Variants in RSPH3 observed in about 807,000 individuals in gnomAD.
The protein encoded by RSPH3 is radial spoke head protein 3 homolog.
Under a neutral mutation model 43.8 loss-of-function variants are expected in RSPH3, and 21 were observed. The ratio of observed to expected loss-of-function variants is 0.48; its 90% CI spans 0.34 to 0.69. RSPH3 has a LOEUF of 0.69. Ranked by LOEUF, RSPH3 falls within the 30% of genes least tolerant of loss-of-function variation. The pLI, the probability that RSPH3 is intolerant of heterozygous loss-of-function variation, is 0.01. For missense variants in RSPH3, 487 were observed against 516.0 expected (o/e 0.94, Z 0.54); for synonymous variants, 173 against 179.8 (o/e 0.96, Z 0.30).
intron 3 of RSPH3, among the ~76,000 whole-genome samples, chr6:158,985,200 C>T (rs1205037913): frequency 6.6e-6 from 1 of 152,166 alleles, no homozygotes; most frequent in Non-Finnish European, 1.5e-5. Context: ...TCAGGGGTGC[C>T]TGTGTGGCCC....
rs1472618714 is a variant in RSPH3 at position 158,972,999 on chromosome 6, C to T, written c.*4539G>A. The T allele has an allele frequency of 3.3e-5, 5 of 152,188 alleles. No individual in the cohort carries two copies. Among genetic ancestry groups the T allele is most frequent in the African/African-American group, 1.2e-4 (5 of 41,446 alleles). The allele number at this position is 152,188 out of a possible 1,614,324, so 9.4% of individuals were successfully genotyped here. A position where few individuals can be genotyped will look rare whatever the true frequency, so the allele number is the denominator to read the frequency against. ...TAGCACTACTTTCACAATAGTGACA[C>T]CCCACTTATAACACTCTTTTTTGGG... On this transcript the variant is annotated 3_prime_UTR_variant, in exon 8 of 8. Transcript: ENST00000367069.
rs1777809303 is a variant in RSPH3, at chr6:158,975,510, T to C, written c.*2028A>G. The C allele has an allele frequency of 6.6e-6, 1 of 152,232 alleles. No individual in the cohort carries two copies. Among genetic ancestry groups the C allele is most frequent in the Admixed American group, 6.5e-5 (1 of 15,278 alleles). The allele number at this position is 152,232 out of a possible 1,614,324, so 9.4% of individuals were successfully genotyped here. The stretch of plus-strand genomic sequence containing the variant: ...CAAATCACTTTAAATTCCTGAGCTT[T>C]GGTTTCTTTATTTACATCATTTACT... On this transcript the variant is annotated 3_prime_UTR_variant, in exon 8 of 8. Transcript: ENST00000367069.
intron 2 of RSPH3, among the ~76,000 whole-genome samples, chr6:158,988,661 TTC>T (rs1372360000): frequency 6.6e-6 from 1 of 152,188 alleles, no homozygotes; most frequent in Non-Finnish European, 1.5e-5. Flanking sequence ...GCTTGATTCA[TTC>T]TGTTGTTGAA....
downstream of RSPH3, among the ~76,000 whole-genome samples, chr6:158,971,322 G>A (rs923646649): frequency 7.9e-5 from 12 of 152,282 alleles, no homozygotes; most frequent in South Asian, 2.1e-4. Context: ...GTTGCAAGCC[G>A]TTGGTTAATT....
chr6:158,993,428 CTTT>C (rs369613942), intron 2 of RSPH3, among the ~76,000 whole-genome samples: 11 of 117,922 alleles, frequency 9.3e-5, no homozygotes, highest in South Asian at 2.7e-4. Context: ...CTGGGGCTTG[CTTT>C]TTTTTTTTTT....
chr6:158,994,318 G>GA (rs981427661), intron 1 of RSPH3, among the ~76,000 whole-genome samples: 3 of 152,080 alleles, frequency 2.0e-5, no homozygotes, highest in African/African-American at 7.2e-5. Flanking sequence ...TTAAAGTACT[G>GA]AAAAAAGCTT....
chr6:158,965,662 ATTAC>A, the RSPH3 span, among the ~76,000 whole-genome samples: 1 of 152,106 alleles, frequency 6.6e-6, no homozygotes, highest in Non-Finnish European at 1.5e-5. Context: ...GAACTCATGT[ATTAC>A]TTCTAATAGT....
At chr6:158,967,894 CTCT>C (rs1283493816), downstream of RSPH3, among the ~76,000 whole-genome samples, 1 of 152,154 alleles carries the variant, frequency 6.6e-6, no homozygotes, top group Non-Finnish European at 1.5e-5. Context: ...GCTACCCCAG[CTCT>C]TTTTTGGTTA....
In RSPH3 at chr6:158,999,678, G is replaced by A. The variant is rs772351464; in HGVS notation, c.-128C>T. 6.2e-7 allele frequency: 1 copy of A among 1,614,108 alleles called. No individual in the cohort carries two copies. Among genetic ancestry groups the A allele is most frequent in the South Asian group, 1.1e-5 (1 of 91,062 alleles). ...AGGATTCCGCGACGCGAGGAGAGGC[G>A]ACAACAAGGGAGGCGGGCGGGACGG... On this transcript the variant is annotated 5_prime_UTR_variant, in exon 1 of 8. Transcript: ENST00000367069.
intron 6 of RSPH3, among the ~76,000 whole-genome samples, chr6:158,978,814 C>T (rs1777936473): frequency 6.6e-6 from 1 of 152,230 alleles, no homozygotes; most frequent in African/African-American, 2.4e-5. Context: ...TCTAGGATTA[C>T]AGGTGTGAGC....
chr6:158,999,253 GCCCC>G (rs1191337559), intron 1 of RSPH3, among the ~76,000 whole-genome samples, 178 bp downstream of exon 1: 2,693 of 152,288 alleles, frequency 0.018, 34 homozygotes, highest in Middle Eastern at 0.024. Flanking sequence ...CCCAACCCAT[GCCCC>G]TTCCTGCTTC....
At chr6:158,988,839 T>C (rs1778314870) in intron 2 of RSPH3, among the ~76,000 whole-genome samples, 1 of 152,110 alleles carries the variant, frequency 6.6e-6, no homozygotes, top group African/African-American at 2.4e-5. Flanking sequence ...AGACTGCTAT[T>C]TTGAATTTTT....
chr6:158,995,521 G>A (rs1441976185), intron 1 of RSPH3, among the ~76,000 whole-genome samples: 1 of 152,130 alleles, frequency 6.6e-6, no homozygotes, highest in Non-Finnish European at 1.5e-5. Flanking sequence ...GCATTTGTGT[G>A]ATTCTGACCT....
In RSPH3 at chr6:158,973,825, TTTTC is replaced by T. The variant is rs1202583463; in HGVS notation, c.*3709_*3712del. The T allele has an allele frequency of 7.2e-5, 11 of 152,042 alleles. No individual in the cohort carries two copies. Among genetic ancestry groups the T allele is most frequent in the Admixed American group, 1.3e-4 (2 of 15,258 alleles). The allele number at this position is 152,042 out of a possible 1,614,324, so 9.4% of individuals were successfully genotyped here. ...ATTTATGTTAAGAATGACAATTTCT[TTTTC>T]TTTCTTTTTTTTTTTTTTGAGACGG... On this transcript the variant is annotated 3_prime_UTR_variant, in exon 8 of 8. Coordinates refer to ENST00000367069, the MANE Select transcript of RSPH3 (RefSeq NM_031924.8).
chr6:158,981,269 C>T (rs1004694090), intron 5 of RSPH3, among the ~76,000 whole-genome samples: 6 of 152,084 alleles, frequency 3.9e-5, no homozygotes, highest in Non-Finnish European at 8.8e-5. Context: ...TGAAATATTA[C>T]TGGTAAGAAA....
At position 159,000,130 on chromosome 6, in the gene RSPH3, C is replaced by G; in HGVS notation, c.-580G>C. The G allele has an allele frequency of 1.3e-6, 1 of 747,066 alleles. No homozygotes were observed. Among genetic ancestry groups the G allele is most frequent in the South Asian group, 2.1e-5 (1 of 47,720 alleles). 46.3% of individuals were successfully genotyped at this position (747,066 alleles called of 1,614,324 possible). Reference sequence around the variant, plus strand: ...TCTCCTGCCGCGGCGCAGCAGCGCTCCCAGGCTGCCCCCGCGATAACACGC... The same window carrying G: ...TCTCCTGCCGCGGCGCAGCAGCGCTGCCAGGCTGCCCCCGCGATAACACGC... On this transcript the variant is annotated 5_prime_UTR_variant, in exon 1 of 8. Coordinates refer to ENST00000367069, the MANE Select transcript of RSPH3 (RefSeq NM_031924.8).
Position 158,972,951 on chromosome 6 carries a change from C to T in RSPH3, c.*4587G>A, listed in dbSNP as rs1777716864. 1 of 152,156 alleles carries T rather than the reference C, an allele frequency of 6.6e-6. No homozygotes were observed. Among genetic ancestry groups the T allele is most frequent in the Non-Finnish European group, 1.5e-5 (1 of 68,028 alleles). 9.4% of individuals were successfully genotyped at this position (152,156 alleles called of 1,614,324 possible). A position where few individuals can be genotyped will look rare whatever the true frequency, so the allele number is the denominator to read the frequency against. ...ATACAATCTAATTCAAAAGAAGAAT[C>T]ATAGGTACCAATTCAACACCATTAG... On this transcript the variant is annotated 3_prime_UTR_variant, in exon 8 of 8. Coordinates refer to ENST00000367069, the MANE Select transcript of RSPH3 (RefSeq NM_031924.8).
At chr6:158,982,072 A>G (rs144742003) in intron 5 of RSPH3, among the ~76,000 whole-genome samples, 268 of 152,174 alleles carry the variant, frequency 1.8e-3, no homozygotes, top group Non-Finnish European at 2.3e-3. Flanking sequence ...TTCTATCCAG[A>G]TCCCCTGCTT....
intron 6 of RSPH3, among the ~76,000 whole-genome samples, chr6:158,979,990 C>T (rs957582738): frequency 6.6e-6 from 1 of 152,212 alleles, no homozygotes; most frequent in Non-Finnish European, 1.5e-5. Context: ...AAGCGCCTAA[C>T]TAAATGAATA....
Sources: allele counts gnomAD v4.1 joint callset (sites outside exome capture counted in the v4.1 genomes callset), GRCh38; gene constraint gnomAD v4.1.1; transcripts MANE v1.5; gene names NCBI Gene and HGNC (gene_info 2026-07-23, HGNC 2026-07-21).